WDR43: variants seen among roughly 807,000 people sequenced by gnomAD.
The protein encoded by WDR43 is WD repeat domain 43, also known as WD repeat-containing protein 43.
WDR43 carries 13 observed loss-of-function variants against 91.4 expected under a neutral mutation model. That is an observed-to-expected ratio of 0.14 (90% CI 0.09 to 0.23). The LOEUF (loss-of-function observed/expected upper bound fraction) is 0.23. WDR43 is among the 10% of genes least tolerant of loss of function. The pLI, the probability that WDR43 is intolerant of heterozygous loss-of-function variation, is 1.00. For synonymous variants in WDR43, 331 were observed against 287.9 expected (o/e 1.15, Z -1.51); for missense variants, 780 against 809.4 (o/e 0.96, Z 0.44).
chr2:28,910,290 C>T (rs960723410), intron 3 of WDR43, among the ~76,000 whole-genome samples: 4 of 151,992 alleles, frequency 2.6e-5, no homozygotes, highest in African/African-American at 7.3e-5. Flanking sequence ...GGCAGGATGG[C>T]GATTGTGTCT....
At chr2:28,929,750 A>T in intron 11 of WDR43, 40 bp downstream of exon 11, 1 of 1,585,914 alleles carries the variant, frequency 6.3e-7, no homozygotes. Context: ...AACATGGTTA[A>T]TATTTCTTAG....
intron 4 of WDR43, 77 bp downstream of exon 4, chr2:28,912,787 A>T (rs755889577): frequency 1.2e-5 from 19 of 1,538,490 alleles, no homozygotes; most frequent in Non-Finnish European, 1.7e-5. Context: ...GAACCATAAG[A>T]TATTATTTTA....
chr2:28,921,240 G>T (rs1256376587), intron 6 of WDR43, among the ~76,000 whole-genome samples: 1 of 151,472 alleles, frequency 6.6e-6, no homozygotes, highest in Non-Finnish European at 1.5e-5. Context: ...CGATTCTCCT[G>T]CCTCAGCCTC....
chr2:28,918,732 T>G (rs1279776428), intron 6 of WDR43, among the ~76,000 whole-genome samples: 1 of 152,172 alleles, frequency 6.6e-6, no homozygotes, highest in Non-Finnish European at 1.5e-5. Context: ...AAAAGAATTT[T>G]TCATGTAAAA....
chr2:28,924,956 A>T lies in WDR43; in HGVS notation c.915-26A>T. 7 of 1,592,186 alleles carry T rather than the reference A, an allele frequency of 4.4e-6. No homozygotes were observed. In the Admixed American group the frequency reaches 5.4e-5, roughly 12 times the overall value. On this transcript the variant is annotated intron_variant, in intron 7 of 17. Transcript: ENST00000407426. ...TATGAGACGTTTTTTCAAATTCTTT[A>T]ATCTCATTTCCCCCTCCATTTCCAG...
chr2:28,915,464 G>A (rs1441976125), intron 5 of WDR43, among the ~76,000 whole-genome samples: 1 of 152,180 alleles, frequency 6.6e-6, no homozygotes, highest in African/African-American at 2.4e-5. Flanking sequence ...ATACCTAGGA[G>A]TCTCCAGCTA....
chr2:28,934,051 C>G (rs566005483), intron 11 of WDR43, among the ~76,000 whole-genome samples: 2 of 152,228 alleles, frequency 1.3e-5, no homozygotes, highest in South Asian at 4.1e-4. Flanking sequence ...TGTAATGGCC[C>G]TAAACTGGAA....
chr2:28,926,412 C>T (rs1013881225), intron 8 of WDR43, 56 bp from the exon 9 acceptor site: 3 of 1,307,386 alleles, frequency 2.3e-6, no homozygotes, highest in South Asian at 1.6e-5. Context: ...CTTTGTTTGA[C>T]ACTCTTTTTT....
At chr2:28,919,560 G>A (rs1670981875) in intron 6 of WDR43, among the ~76,000 whole-genome samples, 1 of 151,958 alleles carries the variant, frequency 6.6e-6, no homozygotes. Flanking sequence ...GGAGGCTGAG[G>A]CAGGAGAATG....
chr2:28,940,551 C>T (rs898481805), intron 14 of WDR43, among the ~76,000 whole-genome samples: 1 of 152,142 alleles, frequency 6.6e-6, no homozygotes, highest in Non-Finnish European at 1.5e-5. Flanking sequence ...TCTTAGAGCC[C>T]AGAGATGGGA....
At chr2:28,929,441 G>A (rs1457340472) in intron 10 of WDR43, 138 bp from the exon 11 acceptor site, 2 of 734,914 alleles carry the variant, frequency 2.7e-6, no homozygotes, top group Non-Finnish European at 3.8e-6. Context: ...AGGTTCTCTT[G>A]GAATAAGAAT....
At chr2:28,902,559 G>A (rs1670597243) in intron 2 of WDR43, among the ~76,000 whole-genome samples, 1 of 152,218 alleles carries the variant, frequency 6.6e-6, no homozygotes, top group African/African-American at 2.4e-5. Flanking sequence ...CTGAGAAGGA[G>A]GCTCCAGCTG....
intron 10 of WDR43, 151 bp downstream of exon 10, chr2:28,927,851 A>T (rs1461778264): frequency 8.5e-6 from 9 of 1,063,220 alleles, no homozygotes; most frequent in Non-Finnish European, 1.2e-5. Flanking sequence ...ACCATCATAG[A>T]TTTCATAATT....
chr2:28,897,092 G>A (rs1457830705), intron 1 of WDR43, among the ~76,000 whole-genome samples: 1 of 152,124 alleles, frequency 6.6e-6, no homozygotes, highest in African/African-American at 2.4e-5. Flanking sequence ...CCCCGATTTT[G>A]TTACTCTCAA....
At chr2:28,906,168 A>G (rs75753845) in intron 2 of WDR43, among the ~76,000 whole-genome samples, 2 of 152,196 alleles carry the variant, frequency 1.3e-5, no homozygotes. Flanking sequence ...GTTAAAAAAA[A>G]GAAGAGTTGA....
intron 5 of WDR43, among the ~76,000 whole-genome samples, chr2:28,916,242 C>T (rs903894217): frequency 1.3e-5 from 2 of 152,068 alleles, no homozygotes; most frequent in African/African-American, 4.8e-5. Flanking sequence ...TTTATATGGA[C>T]ATGTGATTTC....
intron 8 of WDR43, among the ~76,000 whole-genome samples, chr2:28,925,677 A>G (rs770949761): frequency 3.3e-5 from 5 of 152,226 alleles, no homozygotes; most frequent in Admixed American, 2.6e-4. Context: ...TATCGTAAGC[A>G]TGTACAAAAG....
chr2:28,915,527 G>A (rs1057178577), intron 5 of WDR43, among the ~76,000 whole-genome samples: 7 of 152,174 alleles, frequency 4.6e-5, no homozygotes, highest in African/African-American at 1.7e-4. Flanking sequence ...TTAAGAACCT[G>A]AATAGTGTCT....
At chr2:28,923,266 C>T (rs1385634363) in intron 7 of WDR43, among the ~76,000 whole-genome samples, 1 of 152,154 alleles carries the variant, frequency 6.6e-6, no homozygotes, top group Non-Finnish European at 1.5e-5. Flanking sequence ...GAGAGATTCA[C>T]TTGTGAACCT....
Sources: allele counts gnomAD v4.1 joint callset (sites outside exome capture counted in the v4.1 genomes callset), GRCh38; gene constraint gnomAD v4.1.1; transcripts MANE v1.5; gene names NCBI Gene and HGNC (gene_info 2026-07-23, HGNC 2026-07-21).